The following COL5A2 variants were observed in gnomAD, a reference collection of about 807,000 sequenced individuals.
The protein encoded by COL5A2 is collagen type V alpha 2 chain, also known as collagen alpha-2(V) chain.
A neutral mutation model predicts 208.2 loss-of-function variants in COL5A2; 23 were observed. The ratio of observed to expected loss-of-function variants is 0.11; its 90% confidence interval spans 0.08 to 0.16. The LOEUF (loss-of-function observed/expected upper bound fraction) is 0.16. Ranked by LOEUF, COL5A2 falls within the 10% of genes least tolerant of loss-of-function variation. The probability of loss-of-function intolerance (pLI) is 1.00; values close to 1 mark genes in which losing one functional copy is unlikely to be tolerated. For missense variants in COL5A2, 1,590 were observed against 1,956.4 expected (o/e 0.81, Z 3.53); for synonymous variants, 625 against 628.5 (o/e 0.99, Z 0.08).
At chr2:189,137,629 A>G (rs1687851318) in intron 1 of COL5A2, among the ~76,000 whole-genome samples, 1 of 152,180 alleles carries the variant, frequency 6.6e-6, no homozygotes, top group African/African-American at 2.4e-5. Context: ...TCTCCTCTAC[A>G]ATAGAAAAAA....
chr2:189,051,080 T>G (rs1208859275), intron 42 of COL5A2, among the ~76,000 whole-genome samples: 1 of 152,116 alleles, frequency 6.6e-6, no homozygotes, highest in East Asian at 1.9e-4. Flanking sequence ...TCATACACAA[T>G]GAACATTTAA....
chr2:189,140,618 T>C (rs1687916633), intron 1 of COL5A2, among the ~76,000 whole-genome samples: 1 of 152,206 alleles, frequency 6.6e-6, no homozygotes, highest in Non-Finnish European at 1.5e-5. Flanking sequence ...TACAAAGCTA[T>C]AGTTACAGCT....
chr2:189,270,534 T>C, the COL5A2 span, among the ~76,000 whole-genome samples: 1 of 152,130 alleles, frequency 6.6e-6, no homozygotes, highest in East Asian at 1.9e-4. Flanking sequence ...AGTTGTGCAG[T>C]TTGGAGTGAG....
intron 1 of COL5A2, 90 bp downstream of exon 1, chr2:189,179,418 T>C: frequency 6.9e-7 from 1 of 1,444,970 alleles, no homozygotes; most frequent in Non-Finnish European, 9.5e-7. Context: ...AACCAGAACC[T>C]CCTCTTCACG....
intron 5 of COL5A2, among the ~76,000 whole-genome samples, chr2:189,098,042 CT>C (rs1255063622): frequency 1.3e-5 from 2 of 152,080 alleles, no homozygotes; most frequent in African/African-American, 2.4e-5. Flanking sequence ...TTTTCCCCCC[CT>C]GGGAAATGGC....
intron 1 of COL5A2, among the ~76,000 whole-genome samples, chr2:189,213,921 G>A (rs1689247108): frequency 1.3e-5 from 2 of 152,254 alleles, no homozygotes; most frequent in South Asian, 4.1e-4. Context: ...TAGTGACAAG[G>A]CTATTTGCCT....
chr2:189,288,705 G>T, the COL5A2 span, among the ~76,000 whole-genome samples: 1 of 151,984 alleles, frequency 6.6e-6, no homozygotes, highest in Non-Finnish European at 1.5e-5. Context: ...ACTTCAAAAT[G>T]CAATTTATGA....
chr2:189,366,139 T>C, the COL5A2 span, among the ~76,000 whole-genome samples: 2 of 152,182 alleles, frequency 1.3e-5, no homozygotes, highest in East Asian at 3.9e-4. Flanking sequence ...AAGGCCCTTG[T>C]AAGGATTAAT....
the COL5A2 span, among the ~76,000 whole-genome samples, chr2:189,301,066 A>G: frequency 1.2e-4 from 18 of 151,904 alleles, no homozygotes; most frequent in Non-Finnish European, 1.9e-4. Flanking sequence ...AAACATCTAT[A>G]GTTTCAGCTA....
In COL5A2 at chr2:189,222,746, C is replaced by T. The variant is rs553984609; in HGVS notation, c.-42+2402G>A. 7.2e-5 allele frequency among the ~76,000 whole-genome samples: 11 copies of T among 152,250 alleles called. No individual in the cohort carries two copies. In the South Asian group the frequency reaches 2.3e-3, roughly 32 times the overall value. ...TGCCTGCTTTCCTCCTCAGAAGGGG[C>T]AGTTGTGTTTGTAGTTTAGGAAAGG... On this transcript the variant is annotated intron_variant, in intron 1 of 10. Transcript: ENST00000649966.
At chr2:189,186,530 G>A (rs1688855141) in intron 1 of COL5A2, among the ~76,000 whole-genome samples, 1 of 152,132 alleles carries the variant, frequency 6.6e-6, no homozygotes, top group African/African-American at 2.4e-5. Flanking sequence ...GATGAGGAAG[G>A]AAATTGAGGC....
chr2:189,214,490 TCCAAGAAG>T, intron 1 of COL5A2, among the ~76,000 whole-genome samples: 1 of 152,214 alleles, frequency 6.6e-6, no homozygotes, highest in Admixed American at 6.5e-5. Context: ...TAGGGAAAAT[TCCAAGAAG>T]AAATGACGAA....
chr2:189,050,638 C>T lies in COL5A2; in HGVS notation c.2970G>A (p.Gly990=), dbSNP rs933589600. ...DGPPGPAGTT[G]QRGIVGMPGQ... ...CAGGCATGCCAACAATTCCTCTCTG[C>T]CCGGTCGTTCCAGCTGGACCAGGGG... Residue 990 remains glycine (G), a synonymous_variant, in exon 43 of 54, where the codon GGG becomes GGA. Transcript: ENST00000374866. The T allele has an allele frequency of 1.3e-6, 2 of 1,552,582 alleles. No individual in the cohort carries two copies. Among genetic ancestry groups the T allele is most frequent in the Non-Finnish European group, 1.7e-6 (2 of 1,147,422 alleles).
the COL5A2 span, among the ~76,000 whole-genome samples, chr2:189,400,123 T>C: frequency 6.6e-6 from 1 of 152,180 alleles, no homozygotes; most frequent in Non-Finnish European, 1.5e-5. Context: ...TTTTTTGCTA[T>C]GGGTTTCAGC....
At chr2:189,131,762 T>C (rs530353659) in intron 1 of COL5A2, among the ~76,000 whole-genome samples, 1 of 152,232 alleles carries the variant, frequency 6.6e-6, no homozygotes, top group African/African-American at 2.4e-5. Flanking sequence ...ATATCAAGTA[T>C]GATTCAATTA....
the COL5A2 span, among the ~76,000 whole-genome samples, chr2:189,275,258 T>C: frequency 3.3e-5 from 5 of 152,252 alleles, no homozygotes; most frequent in South Asian, 8.3e-4. Context: ...TACCTAATTT[T>C]AAATGTTAGC....
intron 30 of COL5A2, among the ~76,000 whole-genome samples, chr2:189,061,351 T>C (rs1377427781): frequency 6.6e-6 from 1 of 152,152 alleles, no homozygotes; most frequent in East Asian, 1.9e-4. Context: ...TTGTTCATAA[T>C]TTGCAGGTTT....
chr2:189,215,563 T>C (rs1280282521), intron 1 of COL5A2, among the ~76,000 whole-genome samples: 1 of 152,170 alleles, frequency 6.6e-6, no homozygotes, highest in Non-Finnish European at 1.5e-5. Context: ...CTTTTTTTAA[T>C]GTGGCCACCA....
chr2:189,352,895 T>A, the COL5A2 span, among the ~76,000 whole-genome samples: 2 of 152,174 alleles, frequency 1.3e-5, no homozygotes, highest in South Asian at 4.1e-4. Context: ...CTGCCTAGGT[T>A]TTCTTCTGGG....
Sources: allele counts gnomAD v4.1 joint callset (sites outside exome capture counted in the v4.1 genomes callset), GRCh38; gene constraint gnomAD v4.1.1; transcripts MANE v1.5; gene names NCBI Gene and HGNC (gene_info 2026-07-23, HGNC 2026-07-21).